The following SND1 variants were observed in gnomAD, a reference collection of about 807,000 sequenced individuals.
SND1 encodes the protein staphylococcal nuclease and tudor domain containing 1.
A neutral mutation model predicts 121.7 loss-of-function variants in SND1; 38 were observed. The observed-to-expected ratio is 0.31, with a 90% CI of 0.24 to 0.41. SND1 has a LOEUF of 0.41. Among genes scored for constraint, SND1 ranks in the 10% least tolerant of loss-of-function variants. The pLI is 1.00. For missense variants in SND1, 868 were observed against 1,184.6 expected, an observed-to-expected ratio of 0.73 and a Z score of 3.92; for synonymous variants, 401 against 447.4, an observed-to-expected ratio of 0.90 and a Z score of 1.31.
At chr7:127,688,287 C>T (rs1795851936) in intron 2 of SND1, among the ~76,000 whole-genome samples, 1 of 152,148 alleles carries the variant, frequency 6.6e-6, no homozygotes, top group African/African-American at 2.4e-5. Context: ...CTGCCTTTGA[C>T]CCCTTAAGTT....
chr7:127,866,286 A>C (rs577302481), intron 12 of SND1, among the ~76,000 whole-genome samples: 33 of 152,214 alleles, frequency 2.2e-4, no homozygotes, highest in Non-Finnish European at 4.6e-4. Context: ...GATGTGCTTT[A>C]AGTAGGCATA....
At chr7:127,917,135 G>T (rs1278269106) in intron 14 of SND1, among the ~76,000 whole-genome samples, 1 of 152,172 alleles carries the variant, frequency 6.6e-6, no homozygotes, top group East Asian at 1.9e-4. Flanking sequence ...TCCACTGATA[G>T]ACAAGGTCCT....
At chr7:128,024,530 C>T (rs1380512130) in intron 16 of SND1, among the ~76,000 whole-genome samples, 1 of 152,168 alleles carries the variant, frequency 6.6e-6, no homozygotes, top group Admixed American at 6.5e-5. Context: ...CTACCCATTA[C>T]CACGGAAGGA....
chr7:127,695,849 A>G (rs1287883182), intron 3 of SND1, among the ~76,000 whole-genome samples: 3 of 152,180 alleles, frequency 2.0e-5, no homozygotes, highest in South Asian at 2.1e-4. Context: ...TAGTATATGT[A>G]AAGCACCTCA....
chr7:127,949,477 A>G (rs1801411422), intron 15 of SND1, among the ~76,000 whole-genome samples: 1 of 152,224 alleles, frequency 6.6e-6, no homozygotes, highest in Admixed American at 6.5e-5. Context: ...AGCTTTAACT[A>G]TTAAATTCAA....
chr7:127,758,705 A>G (rs1797243304), intron 10 of SND1, among the ~76,000 whole-genome samples: 1 of 152,210 alleles, frequency 6.6e-6, no homozygotes, highest in Admixed American at 6.5e-5. Flanking sequence ...ATTTTGATTT[A>G]GTGAAAAATT....
Position 127,731,155 on chromosome 7 carries a change from C to T in SND1, c.1152+9755C>T, listed in dbSNP as rs543082588. On this transcript the variant is annotated intron_variant, in intron 10 of 23. Transcript: ENST00000354725. ...GGCTCTTTCTGGCCTGAGGCATGGT[C>T]GCCATGGGTGGGGGCACTGCCCGCC... is the stretch of plus-strand genomic sequence containing the variant. 1.1e-4 allele frequency among the ~76,000 whole-genome samples: 16 copies of T among 152,344 alleles called. No homozygotes were observed. In the South Asian group the frequency reaches 2.9e-3, roughly 28 times the overall value.
intron 12 of SND1, among the ~76,000 whole-genome samples, chr7:127,868,033 G>A (rs1033938529): frequency 4.6e-5 from 7 of 152,072 alleles, no homozygotes; most frequent in Non-Finnish European, 8.8e-5. Context: ...TAGGTACTCC[G>A]TCTAAAATCT....
intron 10 of SND1, among the ~76,000 whole-genome samples, chr7:127,737,411 C>T (rs1796796512): frequency 6.6e-6 from 1 of 152,238 alleles, no homozygotes; most frequent in African/African-American, 2.4e-5. Flanking sequence ...GCCATCTCTA[C>T]TGAAAATACG....
At chr7:127,982,032 G>A (rs1178938897) in intron 15 of SND1, among the ~76,000 whole-genome samples, 3 of 152,162 alleles carry the variant, frequency 2.0e-5, no homozygotes, top group East Asian at 1.9e-4. Context: ...GCCAGATACC[G>A]GGGATGTAGA....
intron 18 of SND1, 92 bp from the exon 19 acceptor site, chr7:128,084,632 T>G: frequency 1.1e-4 from 148 of 1,392,354 alleles, no homozygotes; most frequent in Non-Finnish European, 1.3e-4. Context: ...AATTTTACAT[T>G]GAGCTCCCTC....
At chr7:127,749,699 G>A (rs1170937313) in intron 10 of SND1, among the ~76,000 whole-genome samples, 2 of 152,194 alleles carry the variant, frequency 1.3e-5, no homozygotes, top group African/African-American at 4.8e-5. Context: ...AGGAGGACAG[G>A]AATTAAGTTA....
In SND1 at chr7:127,923,535, C is replaced by G. The variant is rs538706964; in HGVS notation, c.1528-5653C>G. Among the ~76,000 whole-genome samples, 9 of 152,300 alleles carry G rather than the reference C, an allele frequency of 5.9e-5. No individual in the cohort carries two copies. In the South Asian group the frequency reaches 1.9e-3, roughly 32 times the overall value. ...GGGCATTCTCAGAGTATCCTCCCCC[C>G]GCAGGGTTCCATGTATTTCAAGAGA... On this transcript the variant is annotated intron_variant, in intron 14 of 23. Transcript: ENST00000354725.
At chr7:127,885,990 T>C (rs980546883) in intron 12 of SND1, among the ~76,000 whole-genome samples, 4 of 152,086 alleles carry the variant, frequency 2.6e-5, no homozygotes, top group Non-Finnish European at 5.9e-5. Context: ...ACAACCTTAG[T>C]TTAAATCCTC....
intron 9 of SND1, among the ~76,000 whole-genome samples, chr7:127,710,305 T>C (rs1477558052): frequency 2.6e-5 from 4 of 152,188 alleles, no homozygotes; most frequent in Admixed American, 2.6e-4. Flanking sequence ...CTAAAATATT[T>C]GTTATCTGGC....
chr7:128,084,999 C>A, intron 19 of SND1, 152 bp downstream of exon 19: 1 of 755,358 alleles, frequency 1.3e-6, no homozygotes. Context: ...TCATTGCCCA[C>A]AGCCCATCTG....
At chr7:128,090,687 TC>T (rs1316268597) in intron 22 of SND1, among the ~76,000 whole-genome samples, 1 of 152,060 alleles carries the variant, frequency 6.6e-6, no homozygotes, top group Non-Finnish European at 1.5e-5. Flanking sequence ...CTCCCAGCCC[TC>T]CTGGCCTTTC....
At position 127,942,389 on chromosome 7, in the gene SND1, T is replaced by C. The variant is rs182042746; in HGVS notation, c.1669+13060T>C. ...AAAGGTCTCGTGGAGCAGCCGTTGC[T>C]CTTGCCAGATGGTACAATAGCTTCA... On this transcript the variant is annotated intron_variant, in intron 15 of 23. Transcript: ENST00000354725. Among the ~76,000 whole-genome samples the C allele has an allele frequency of 2.5e-3, 383 of 152,334 alleles. 1 individual carries two copies. The highest frequency in any genetic ancestry group is 3.3e-3 in the Non-Finnish European group (226 of 68,028).
chr7:127,676,964 A>T (rs1195314113), intron 1 of SND1, among the ~76,000 whole-genome samples: 1 of 152,044 alleles, frequency 6.6e-6, no homozygotes, highest in Admixed American at 6.6e-5. Context: ...CTGGTCTCGA[A>T]CTCCTGACCT....
Sources: gnomAD v4.1 joint callset for allele counts (sites outside exome capture counted in the v4.1 genomes callset) on GRCh38, gnomAD v4.1.1 for gene constraint, MANE v1.5 for transcripts, NCBI Gene and HGNC (gene_info 2026-07-23, HGNC 2026-07-21) for gene names.